The following CACNA1C variants were observed in gnomAD, a reference collection of about 807,000 sequenced individuals.
CACNA1C encodes calcium voltage-gated channel subunit alpha1 C, also known as voltage-dependent L-type calcium channel subunit alpha-1C.
A neutral mutation model predicts 229.0 loss-of-function variants in CACNA1C; 30 were observed. The observed-to-expected ratio is 0.13, with a 90% CI of 0.10 to 0.18. CACNA1C has a LOEUF of 0.18. Among genes scored for constraint, CACNA1C ranks in the 10% least tolerant of loss-of-function variants. The probability of loss-of-function intolerance (pLI) is 1.00; values close to 1 mark genes in which losing one functional copy is unlikely to be tolerated. For missense variants in CACNA1C, 1,658 were observed against 2,845.0 expected (o/e 0.58, Z 9.49); for synonymous variants, 1,114 against 1,132.5 (o/e 0.98, Z 0.33).
intron 1 of CACNA1C, among the ~76,000 whole-genome samples, chr12:2,070,929 T>TCCCTTTC (rs1314098765): frequency 3.6e-4 from 54 of 149,030 alleles, no homozygotes; most frequent in African/African-American, 1.2e-3. Flanking sequence ...CCTCCTTCCT[T>TCCCTTTC]CCCTTTCCCC....
chr12:2,299,911 A>T (rs554633838), intron 3 of CACNA1C, among the ~76,000 whole-genome samples: 1 of 152,342 alleles, frequency 6.6e-6, no homozygotes, highest in South Asian at 2.1e-4. Context: ...GAGTGTTTCG[A>T]GGATTAAATG....
At chr12:2,673,074 G>A (rs2096634492) in intron 38 of CACNA1C, among the ~76,000 whole-genome samples, 1 of 152,198 alleles carries the variant, frequency 6.6e-6, no homozygotes, top group Non-Finnish European at 1.5e-5. Flanking sequence ...TGACACAAGA[G>A]CCCTCAACCA....
intron 3 of CACNA1C, among the ~76,000 whole-genome samples, chr12:2,240,229 C>T (rs986514377): frequency 5.9e-5 from 9 of 152,326 alleles, no homozygotes; most frequent in Middle Eastern, 3.4e-3. Flanking sequence ...GTTTCCTGCT[C>T]AGCTGACATG....
At chr12:2,565,229 G>A (rs1274908378) in intron 11 of CACNA1C, among the ~76,000 whole-genome samples, 4 of 152,010 alleles carry the variant, frequency 2.6e-5, no homozygotes, top group Non-Finnish European at 5.9e-5. Flanking sequence ...AGCACTTTGG[G>A]AGGCCGAGGC....
In CACNA1C at chr12:2,276,835, G is replaced by A. The variant is rs1159936608; in HGVS notation, c.477+156405G>A. On this transcript the variant is annotated intron_variant, in intron 3 of 46. Transcript: ENST00000399655. The stretch of plus-strand genomic sequence containing the variant: ...GGATGACGGAGGGTGGGGTAGCGGG[G>A]TAGGGTGAGAATCAGGGCAGCCTGG... 2.6e-5 allele frequency among the ~76,000 whole-genome samples: 4 copies of A among 152,142 alleles called. No individual in the cohort carries two copies. The South Asian group carries it at 8.3e-4, about 31-fold the overall frequency.
chr12:2,188,573 C>T (rs993473987), intron 3 of CACNA1C, among the ~76,000 whole-genome samples: 2 of 152,064 alleles, frequency 1.3e-5, no homozygotes, highest in Non-Finnish European at 2.9e-5. Flanking sequence ...TCTTCTGTCT[C>T]TCCCCATCCC....
At chr12:2,513,703 C>T (rs2099790034) in intron 9 of CACNA1C, among the ~76,000 whole-genome samples, 1 of 152,220 alleles carries the variant, frequency 6.6e-6, no homozygotes. Flanking sequence ...TCTTACCAGA[C>T]TAGCTCCATG....
At chr12:2,315,333 G>A (rs1238444294) in intron 3 of CACNA1C, among the ~76,000 whole-genome samples, 1 of 152,204 alleles carries the variant, frequency 6.6e-6, no homozygotes, top group African/African-American at 2.4e-5. Context: ...AACAATCTGG[G>A]CACGAGAGAG....
rs115581865 is a variant in CACNA1C, at chr12:2,142,132, C to T, written c.477+21702C>T. 9.3e-5 allele frequency among the ~76,000 whole-genome samples: 14 copies of T among 151,098 alleles called. 1 individual carries two copies. Among genetic ancestry groups the T allele is most frequent in the African/African-American group, 1.2e-4 (5 of 41,312 alleles). Reference sequence around the variant, plus strand: ...AAGAATGCCTAATGCTTATGAGTGCCGCAGTGTGCAGCTCTGTGCCTTACA... The same window carrying T: ...AAGAATGCCTAATGCTTATGAGTGCTGCAGTGTGCAGCTCTGTGCCTTACA... On this transcript the variant is annotated intron_variant, in intron 3 of 46. Transcript: ENST00000399655.
At chr12:2,153,238 G>C (rs2095381794) in intron 3 of CACNA1C, among the ~76,000 whole-genome samples, 1 of 152,144 alleles carries the variant, frequency 6.6e-6, no homozygotes, top group Non-Finnish European at 1.5e-5. Context: ...TGAGGTTAAT[G>C]AAAGACAACA....
intron 9 of CACNA1C, among the ~76,000 whole-genome samples, chr12:2,522,660 C>T (rs1036422250): frequency 6.6e-6 from 1 of 152,084 alleles, no homozygotes; most frequent in African/African-American, 2.4e-5. Flanking sequence ...CACTGTATGG[C>T]GTCAACTTTT....
intron 19 of CACNA1C, among the ~76,000 whole-genome samples, chr12:2,593,583 C>G (rs568502811): frequency 1.6e-4 from 25 of 152,204 alleles, no homozygotes; most frequent in Non-Finnish European, 3.4e-4. Context: ...GGGTGATTAC[C>G]CTTGATAATT....
At position 2,512,232 on chromosome 12, in the gene CACNA1C, C is replaced by T. The variant is rs145861602; in HGVS notation, c.1218-580C>T. ...CCAGTTACCATGGTGTAAATATTCCCACTGTGGCCGATCTCAAGCTACCAG... is the reference window on the plus strand; with the variant it reads ...CCAGTTACCATGGTGTAAATATTCCTACTGTGGCCGATCTCAAGCTACCAG... On this transcript the variant is annotated intron_variant, in intron 8 of 46. Coordinates refer to ENST00000399655, the MANE Select transcript of CACNA1C (RefSeq NM_000719.7). This position sits in a 1 kb window ranked among gnomAD's most constrained non-coding sequence, Gnocchi z 4.3. Among the ~76,000 whole-genome samples the T allele has an allele frequency of 5.5e-4, 83 of 152,230 alleles. No homozygotes were observed. Among genetic ancestry groups the T allele is most frequent in the Middle Eastern group, 3.4e-3 (1 of 294 alleles).
chr12:2,677,262 G>A lies in CACNA1C; in HGVS notation c.4956+41G>A. The stretch of plus-strand genomic sequence containing the variant: ...CGGGCCCACACTCCAGGAAGGTCCT[G>A]GTCATTGCCTCTGACCTCCAGTCAG... On this transcript the variant is annotated intron_variant, in intron 40 of 46. Coordinates refer to ENST00000399655, the MANE Select transcript of CACNA1C (RefSeq NM_000719.7). The surrounding 1 kb of genome is among the most constrained non-coding windows in gnomAD (Gnocchi z 7.4). 2 of 1,603,234 alleles carry A rather than the reference G, an allele frequency of 1.2e-6. No individual in the cohort carries two copies. Among genetic ancestry groups the A allele is most frequent in the South Asian group, 1.1e-5 (1 of 89,392 alleles).
intron 7 of CACNA1C, among the ~76,000 whole-genome samples, chr12:2,497,025 A>G (rs1394671755): frequency 6.6e-6 from 1 of 152,164 alleles, no homozygotes; most frequent in South Asian, 2.1e-4. Context: ...TAACGTTACC[A>G]TTGTTTTCCA....
intron 43 of CACNA1C, among the ~76,000 whole-genome samples, chr12:2,682,881 A>C (rs78018206): frequency 2.7e-4 from 6 of 22,204 alleles, no homozygotes; most frequent in Non-Finnish European, 4.3e-4. Flanking sequence ...CACACACACC[A>C]CACACACACA....
intron 30 of CACNA1C, among the ~76,000 whole-genome samples, chr12:2,637,401 T>A (rs1319797228): frequency 6.6e-6 from 1 of 152,224 alleles, no homozygotes; most frequent in African/African-American, 2.4e-5. Flanking sequence ...GTTAGTCTAA[T>A]TATAACTTAC....
intron 3 of CACNA1C, among the ~76,000 whole-genome samples, chr12:2,412,059 C>T (rs926811504): frequency 2.6e-5 from 4 of 152,030 alleles, no homozygotes; most frequent in African/African-American, 4.8e-5. Flanking sequence ...CGGCTCCCCA[C>T]GCCCAAGCCC....
At chr12:2,370,853 T>C (rs1640224081) in intron 3 of CACNA1C, among the ~76,000 whole-genome samples, 1 of 152,148 alleles carries the variant, frequency 6.6e-6, no homozygotes, top group African/African-American at 2.4e-5. Flanking sequence ...CTGGGTTGCC[T>C]TGGTGGCAGT....
Sources: allele counts gnomAD v4.1 joint callset (sites outside exome capture counted in the v4.1 genomes callset), GRCh38; gene constraint gnomAD v4.1.1; non-coding constraint Gnocchi (gnomAD v3.1); transcripts MANE v1.5; gene names NCBI Gene and HGNC (gene_info 2026-07-23, HGNC 2026-07-21).